The following SULT4A1 variants were observed in gnomAD, a reference collection of about 807,000 sequenced individuals.
SULT4A1 encodes the protein sulfotransferase 4A1.
In SULT4A1, 11 loss-of-function variants were observed where a neutral mutation model predicts 35.2. The ratio of observed to expected loss-of-function variants is 0.31; its 90% CI spans 0.20 to 0.52. SULT4A1 has a LOEUF of 0.52. SULT4A1 is among the 20% of genes least tolerant of loss of function. The pLI, the probability that SULT4A1 is intolerant of heterozygous loss-of-function variation, is 0.97. For synonymous variants in SULT4A1, 152 were observed against 151.8 expected, an observed-to-expected ratio of 1.00 and a Z score of -0.01; for missense variants, 271 against 383.7, an observed-to-expected ratio of 0.71 and a Z score of 2.45.
At chr22:43,858,893 T>C (rs2049434161) in intron 1 of SULT4A1, among the ~76,000 whole-genome samples, 2 of 152,100 alleles carry the variant, frequency 1.3e-5, no homozygotes, top group South Asian at 4.2e-4. Flanking sequence ...CAAAACAGCA[T>C]CTGTAATGGG....
At chr22:43,860,479 C>A (rs1034823964) in intron 1 of SULT4A1, among the ~76,000 whole-genome samples, 7 of 152,204 alleles carry the variant, frequency 4.6e-5, no homozygotes, top group Non-Finnish European at 7.3e-5. Flanking sequence ...AGCCACACAT[C>A]AGCGGGCCGA....
intron 1 of SULT4A1, among the ~76,000 whole-genome samples, chr22:43,855,005 C>G (rs1475352728): frequency 6.6e-6 from 1 of 152,242 alleles, no homozygotes; most frequent in Non-Finnish European, 1.5e-5. Context: ...TGGACAAGAT[C>G]TGCCCCTCTA....
At chr22:43,826,803 C>A (rs2063289643) in intron 6 of SULT4A1, 1 of 985,318 alleles carries the variant, frequency 1.0e-6, no homozygotes, top group African/African-American at 1.7e-5. Context: ...ACATGCACTG[C>A]AGTGAGAATT....
chr22:43,858,444 G>A (rs2148310113), intron 1 of SULT4A1, among the ~76,000 whole-genome samples: 1 of 152,250 alleles, frequency 6.6e-6, no homozygotes, highest in Admixed American at 6.5e-5. Flanking sequence ...CAAGCCTCCT[G>A]AGTATGTGTA....
intron 1 of SULT4A1, among the ~76,000 whole-genome samples, chr22:43,858,743 G>T (rs1332495710): frequency 7.4e-6 from 1 of 135,736 alleles, no homozygotes; most frequent in African/African-American, 2.8e-5. Context: ...CCTCCTGTGG[G>T]TGGTTTCTCT....
At chr22:43,843,704 A>C (rs2063451744) in intron 1 of SULT4A1, among the ~76,000 whole-genome samples, 1 of 152,250 alleles carries the variant, frequency 6.6e-6, no homozygotes, top group African/African-American at 2.4e-5. Flanking sequence ...GCTTGCCCAG[A>C]GAGGGCATGG....
intron 1 of SULT4A1, among the ~76,000 whole-genome samples, chr22:43,852,974 A>G (rs1201884078): frequency 6.6e-6 from 1 of 152,080 alleles, no homozygotes; most frequent in African/African-American, 2.4e-5. Context: ...CAGTGAACCC[A>G]GCACCTCAAA....
chr22:43,846,549 G>A (rs756363295), intron 1 of SULT4A1, among the ~76,000 whole-genome samples: 29 of 152,200 alleles, frequency 1.9e-4, no homozygotes, highest in Non-Finnish European at 4.1e-4. Flanking sequence ...CCTGGAGGAG[G>A]GAGCTTTGGA....
At chr22:43,834,326 C>A (rs2063349319) in intron 4 of SULT4A1, among the ~76,000 whole-genome samples, 1 of 137,044 alleles carries the variant, frequency 7.3e-6, no homozygotes. Context: ...CCTGTGCTTC[C>A]CGCGCCCCCA....
intron 6 of SULT4A1, 91 bp downstream of exon 6, chr22:43,828,969 C>G: frequency 7.3e-7 from 1 of 1,368,050 alleles, no homozygotes; most frequent in Non-Finnish European, 9.7e-7. Flanking sequence ...GGGAGGGCAA[C>G]AGGGACCGGA....
At chr22:43,841,675 TGGCTATCTGG>T in intron 2 of SULT4A1, 117 bp downstream of exon 2, 3 of 1,433,330 alleles carry the variant, frequency 2.1e-6, no homozygotes, top group South Asian at 1.4e-5. Context: ...GCTTCTCCCC[TGGCTATCTGG>T]GGCTATCTGC....
intron 1 of SULT4A1, among the ~76,000 whole-genome samples, chr22:43,849,106 C>T (rs78509): frequency 0.23 from 35,739 of 152,130 alleles, 4,408 homozygotes; most frequent in African/African-American, 0.32. Flanking sequence ...GGTGGAACTC[C>T]CCAGGACTCT....
intron 1 of SULT4A1, among the ~76,000 whole-genome samples, chr22:43,845,655 C>T (rs1293259765): frequency 2.6e-5 from 4 of 152,174 alleles, no homozygotes; most frequent in Non-Finnish European, 5.9e-5. Context: ...GGTCCCCAAC[C>T]CCCAGGCCAC....
chr22:43,833,507 C>T, intron 5 of SULT4A1, 133 bp downstream of exon 5: 1 of 316,450 alleles, frequency 3.2e-6, no homozygotes. Context: ...CACAGACTGT[C>T]CCGCCCCCTC....
intron 1 of SULT4A1, 85 bp downstream of exon 1, chr22:43,862,129 A>C (rs1271715879): frequency 1.8e-6 from 2 of 1,129,536 alleles, no homozygotes; most frequent in Non-Finnish European, 2.2e-6. Flanking sequence ...GCCCAGCAGA[A>C]GCCCCGGGCG....
intron 1 of SULT4A1, among the ~76,000 whole-genome samples, chr22:43,854,432 C>G (rs2049378960): frequency 6.6e-6 from 1 of 152,222 alleles, no homozygotes; most frequent in Admixed American, 6.5e-5. Context: ...ACACGGGGGA[C>G]AGTCTGGCCA....
At chr22:43,827,061 CA>C in intron 6 of SULT4A1, 2 of 985,480 alleles carry the variant, frequency 2.0e-6, no homozygotes, top group South Asian at 4.7e-5. Context: ...AGTCCAATAG[CA>C]ACGGTGACCG....
intron 1 of SULT4A1, among the ~76,000 whole-genome samples, chr22:43,852,469 C>T (rs1317064525): frequency 1.3e-5 from 2 of 152,010 alleles, no homozygotes; most frequent in Admixed American, 6.5e-5. Context: ...TAAGCCACCA[C>T]GCCTGGCCCA....
intron 1 of SULT4A1, among the ~76,000 whole-genome samples, chr22:43,846,461 C>A (rs1202769279): frequency 1.3e-5 from 2 of 152,340 alleles, no homozygotes; most frequent in East Asian, 1.9e-4. Context: ...ATTCATATTT[C>A]CTGAGTGGAC....
Sources: gnomAD v4.1 joint callset for allele counts (sites outside exome capture counted in the v4.1 genomes callset) on GRCh38, gnomAD v4.1.1 for gene constraint, MANE v1.5 for transcripts, NCBI Gene and HGNC (gene_info 2026-07-23, HGNC 2026-07-21) for gene names.